The following CGN variants were observed in gnomAD, a reference collection of about 807,000 sequenced individuals.
The protein encoded by CGN is cingulin.
CGN carries 121 observed loss-of-function variants against 157.1 expected under a neutral mutation model. The observed-to-expected ratio is 0.77, with a 90% confidence interval of 0.66 to 0.90. The LOEUF is 0.90. Ranked by LOEUF, CGN falls within the 40% of genes least tolerant of loss-of-function variation. The probability of loss-of-function intolerance (pLI) is 0.00; values close to 1 mark genes in which losing one functional copy is unlikely to be tolerated. For missense variants in CGN, 1,424 were observed against 1,520.9 expected (o/e 0.94, Z 1.06); for synonymous variants, 535 against 607.5 (o/e 0.88, Z 1.76).
At position 151,524,290 on chromosome 1, in the gene CGN, G is replaced by T. The variant is rs778023370; in HGVS notation, c.1333G>T (p.Val445Leu). The T allele has an allele frequency of 1.2e-6, 2 of 1,614,212 alleles. No individual in the cohort carries two copies. Among genetic ancestry groups the T allele is most frequent in the Non-Finnish European group, 1.7e-6 (2 of 1,180,042 alleles). ...EDLRHGLETQVMELQNKLKHV... is the reference protein window; with the variant it reads ...EDLRHGLETQLMELQNKLKHV... ...TTTACGACATGGGCTGGAGACCCAG[G>T]TGATGGAGCTGCAGAACAAGCTGAA... Residue 445 changes from valine to leucine, a missense_variant, in exon 7 of 21, where the codon GTG (valine) becomes TTG (leucine). Val to Leu is a conservative substitution (Grantham distance 32). Coordinates refer to ENST00000271636, the MANE Select transcript of CGN (RefSeq NM_020770.3). The surrounding 1 kb of genome is among the most constrained non-coding windows in gnomAD (Gnocchi z 4.4).
chr1:151,516,304 A>G (rs185360370), intron 1 of CGN, among the ~76,000 whole-genome samples: 331 of 152,262 alleles, frequency 2.2e-3, no homozygotes, highest in Non-Finnish European at 3.5e-3. Flanking sequence ...CTCATCCTCC[A>G]GTTTGGTGCT....
intron 1 of CGN, among the ~76,000 whole-genome samples, chr1:151,513,299 C>T (rs1571652360): frequency 1.3e-5 from 2 of 152,176 alleles, no homozygotes; most frequent in East Asian, 3.9e-4. Context: ...TTTGCAGGGG[C>T]CCAGTTCCTC....
chr1:151,534,411 C>T, intron 15 of CGN: 1 of 453,608 alleles, frequency 2.2e-6, no homozygotes, highest in South Asian at 2.6e-5. Flanking sequence ...CAGTGGGTTT[C>T]CCCTTTAGAG....
rs751788547 is a variant in CGN, at chr1:151,524,662, T to C, written c.1402-12T>C. ...ATGGTCACCCCTGTACTTCTTCCTT[T>C]ATTTTCTCCAGGACCTGTTAGAGAC... On this transcript the variant is annotated splice_polypyrimidine_tract_variant and intron_variant, in intron 7 of 20. Transcript: ENST00000271636. The surrounding 1 kb of genome is among the most constrained non-coding windows in gnomAD (Gnocchi z 4.4). 8.6e-5 allele frequency: 138 copies of C among 1,596,656 alleles called. No individual in the cohort carries two copies. Among genetic ancestry groups the C allele is most frequent in the Non-Finnish European group, 1.1e-4 (133 of 1,173,660 alleles).
upstream of CGN, among the ~76,000 whole-genome samples, chr1:151,510,703 G>C (rs561823878): frequency 2.0e-5 from 3 of 152,320 alleles, no homozygotes; most frequent in South Asian, 2.1e-4. Context: ...GGTGAAGCAA[G>C]GCACAGAACA....
At chr1:151,515,337 G>C (rs971983073) in intron 1 of CGN, among the ~76,000 whole-genome samples, 8 of 151,946 alleles carry the variant, frequency 5.3e-5, no homozygotes, top group Admixed American at 2.6e-4. Flanking sequence ...GGTATAACTT[G>C]GTACTTTTTT....
chr1:151,536,940 G>A (rs751220691), intron 20 of CGN, 47 bp downstream of exon 20: 15 of 1,586,806 alleles, frequency 9.5e-6, no homozygotes, highest in Middle Eastern at 2.0e-4. Context: ...ACTAGAGCAG[G>A]GAGGGAATGG....
chr1:151,533,716 C>T (rs1664892280), intron 14 of CGN, among the ~76,000 whole-genome samples: 2 of 152,244 alleles, frequency 1.3e-5, no homozygotes, highest in South Asian at 4.1e-4. Context: ...ATCACTTGAA[C>T]CTGGGAGGTG....
At chr1:151,527,557 G>C (rs1664709561) in intron 10 of CGN, among the ~76,000 whole-genome samples, 1 of 152,080 alleles carries the variant, frequency 6.6e-6, no homozygotes, top group Non-Finnish European at 1.5e-5. Context: ...ACATGGACTG[G>C]AATACTTGTG....
rs1664476682 is a variant in CGN at position 151,519,000 on chromosome 1, C to T, written c.481C>T (p.Pro161Ser). The change falls in exon 2 of 21, where the codon CCG (proline) becomes TCG (serine). Residue 161 changes from proline to serine, a missense_variant. Around this residue, in one of 3 missense-constraint regions of CGN, gnomAD observed 1,187 missense variants for 1,217.6 expected, o/e 0.97. Transcript: ENST00000271636. ...AAGCAACAGCATGCTGGAGCTAGCC[C>T]CGAAAGTGGCTTCCCCAGGTAGCAC... ...NRSNSMLELAPKVASPGSTID... is the reference protein window; with the variant it reads ...NRSNSMLELASKVASPGSTID... 1.2e-6 allele frequency: 2 copies of T among 1,614,202 alleles called. No homozygotes were observed. Among genetic ancestry groups the T allele is most frequent in the Non-Finnish European group, 1.7e-6 (2 of 1,180,034 alleles).
chr1:151,518,763 A>T lies in CGN; in HGVS notation c.244A>T (p.Ile82Phe). 6.2e-7 allele frequency: 1 copy of T among 1,614,070 alleles called. No homozygotes were observed. Among genetic ancestry groups the T allele is most frequent in the South Asian group, 1.1e-5 (1 of 91,084 alleles). The change falls in exon 2 of 21, where the codon ATC becomes TTC. Residue 82 changes from isoleucine to phenylalanine, a missense_variant. By Grantham distance (21) the Ile-to-Phe change is conservative. Around this residue, in one of 3 missense-constraint regions of CGN, gnomAD observed 1,187 missense variants for 1,217.6 expected, o/e 0.97. Transcript: ENST00000271636. ...AGGCGGTGACTCCTTTGGGGTCCAA[A>T]TCAAGGGGGCCAATGACCAAGGGGC... ...EKGGDSFGVQIKGANDQGASG... is the reference protein window; with the variant it reads ...EKGGDSFGVQFKGANDQGASG...
Position 151,525,706 on chromosome 1 carries a change from AG to A in CGN, c.1680del (p.Glu560AspfsTer48). On this transcript the variant is annotated frameshift_variant, in exon 9 of 21. Coordinates refer to ENST00000271636, the MANE Select transcript of CGN (RefSeq NM_020770.3). LOFTEE classifies it high-confidence loss of function. Reference protein sequence around the residue: ...MSALVRGLQRELEETSEETGH... With the variant: ...MSALVRGLQRXLEETSEETGH... ...GCCCTTGTGCGAGGGCTGCAGAGGG[AG>A]CTGGAGGAGACTTCAGAGGAGACAG... 1 of 1,612,396 alleles carries A rather than the reference AG, an allele frequency of 6.2e-7. No individual in the cohort carries two copies. The highest frequency in any genetic ancestry group is 8.5e-7 in the Non-Finnish European group (1 of 1,179,198).
At position 151,525,630 on chromosome 1, in the gene CGN, C is replaced by A; in HGVS notation, c.1615-12C>A. The A allele has an allele frequency of 6.4e-7, 1 of 1,559,352 alleles. No homozygotes were observed. The highest frequency in any genetic ancestry group is 1.2e-5 in the South Asian group (1 of 83,582). On this transcript the variant is annotated splice_polypyrimidine_tract_variant and intron_variant, in intron 8 of 20. Coordinates refer to ENST00000271636, the MANE Select transcript of CGN (RefSeq NM_020770.3). ...TCTGAGCCTTCTGGTGTCCAACTCT[C>A]CCCTTCTCTAGGACCATGCAGTGCT...
At chr1:151,533,815 T>G (rs888675468) in intron 14 of CGN, among the ~76,000 whole-genome samples, 160 bp from the exon 15 acceptor site, 1 of 151,698 alleles carries the variant, frequency 6.6e-6, no homozygotes, top group African/African-American at 2.4e-5. Context: ...AAAAAGAAAA[T>G]GGATGAAAAG....
rs1300257090 is a variant in CGN at position 151,532,464 on chromosome 1, T to C, written c.2634T>C (p.Asp878=). The C allele has an allele frequency of 1.0e-5, 16 of 1,607,928 alleles. No homozygotes were observed. The highest frequency in any genetic ancestry group is 1.3e-5 in the Non-Finnish European group (15 of 1,178,266). ...AGCAGCTCCAGGCCCAGCTGGAGGA[T>C]TATAAGGAAAAGGCCCGGCGGGAGG... ...ALQQLQAQLE[D]YKEKARREVA... is the part of the protein sequence containing the mutation. The change falls in exon 14 of 21, where the codon GAT becomes GAC. Residue 878 remains aspartate (D), a synonymous_variant. Transcript: ENST00000271636.
rs757336062 is a variant in CGN, at chr1:151,524,558, G to C, written c.1402-116G>C. ...CCTATCATTCTGGGCTCCAGTACTG[G>C]TACTAGAGCACCTGGTACTGTGCCT... On this transcript the variant is annotated intron_variant, in intron 7 of 20. Coordinates refer to ENST00000271636, the MANE Select transcript of CGN (RefSeq NM_020770.3). The surrounding 1 kb of genome is among the most constrained non-coding windows in gnomAD (Gnocchi z 4.4). 5.2e-6 allele frequency: 6 copies of C among 1,164,664 alleles called. No homozygotes were observed. The highest frequency in any genetic ancestry group is 7.4e-6 in the Non-Finnish European group (6 of 815,722). 72.1% of individuals were successfully genotyped at this position (1,164,664 alleles called of 1,614,324 possible).
chr1:151,523,787 T>G (rs1664599124), intron 6 of CGN, among the ~76,000 whole-genome samples: 1 of 152,258 alleles, frequency 6.6e-6, no homozygotes, highest in African/African-American at 2.4e-5. Context: ...TGCCTCTGTC[T>G]CAGATTCTTA....
intron 6 of CGN, among the ~76,000 whole-genome samples, chr1:151,523,952 T>C (rs57838351): frequency 0.032 from 4,814 of 152,148 alleles, 265 homozygotes; most frequent in African/African-American, 0.11. Context: ...AAGGGCTCGC[T>C]CTCCAGAAGC....
In CGN at chr1:151,536,854, A is replaced by G; in HGVS notation, c.3431A>G (p.Gln1144Arg). ...EVEEQHEVNE[Q>R]LQARIKSLEK... ...GAGGAGCAGCATGAGGTCAATGAACAGCTCCAGGCCCGGATCAAGTCTCTG... is the reference window on the plus strand; with the variant it reads ...GAGGAGCAGCATGAGGTCAATGAACGGCTCCAGGCCCGGATCAAGTCTCTG... The change falls in exon 20 of 21, where the codon CAG (glutamine) becomes CGG (arginine). Residue 1144 changes from glutamine to arginine, a missense_variant. Physicochemically the swap from Gln to Arg is conservative, Grantham distance 43. Coordinates refer to ENST00000271636, the MANE Select transcript of CGN (RefSeq NM_020770.3). 6.2e-7 allele frequency: 1 copy of G among 1,614,170 alleles called. No homozygotes were observed. The highest frequency in any genetic ancestry group is 8.5e-7 in the Non-Finnish European group (1 of 1,180,040).
Sources: allele counts gnomAD v4.1 joint callset (sites outside exome capture counted in the v4.1 genomes callset), GRCh38; gene constraint gnomAD v4.1.1; regional missense constraint gnomAD v4.1.1; non-coding constraint Gnocchi (gnomAD v3.1); transcripts MANE v1.5; gene names NCBI Gene and HGNC (gene_info 2026-07-23, HGNC 2026-07-21).